Variants in STXBP3 observed in about 807,000 individuals in gnomAD.
The protein encoded by STXBP3 is syntaxin binding protein 3.
STXBP3 carries 41 observed loss-of-function variants against 85.7 expected under a neutral mutation model. The ratio of observed to expected loss-of-function variants is 0.48; its 90% confidence interval spans 0.37 to 0.62. STXBP3 has a LOEUF of 0.62. STXBP3 is among the 20% of genes least tolerant of loss of function. The pLI is 0.00. For synonymous variants in STXBP3, 229 were observed against 231.7 expected, an observed-to-expected ratio of 0.99 and a Z score of 0.10; for missense variants, 563 against 703.1, an observed-to-expected ratio of 0.80 and a Z score of 2.25.
chr1:108,762,800 C>T (rs1293822665), intron 6 of STXBP3, among the ~76,000 whole-genome samples: 1 of 152,154 alleles, frequency 6.6e-6, no homozygotes, highest in Non-Finnish European at 1.5e-5. Flanking sequence ...TTATATCTAT[C>T]CTGTAGGACA....
intron 4 of STXBP3, among the ~76,000 whole-genome samples, chr1:108,757,594 T>C (rs1273145840): frequency 6.6e-6 from 1 of 151,944 alleles, no homozygotes; most frequent in Non-Finnish European, 1.5e-5. Context: ...AATATATATA[T>C]ATGGGTATGT....
intron 13 of STXBP3, among the ~76,000 whole-genome samples, 193 bp downstream of exon 13, chr1:108,795,100 T>C (rs1410886404): frequency 2.0e-5 from 3 of 152,182 alleles, no homozygotes; most frequent in Non-Finnish European, 4.4e-5. Context: ...GTAGAGTATC[T>C]TAGTAAACAG....
intron 5 of STXBP3, chr1:108,759,125 A>G (rs570818564): frequency 1.3e-5 from 2 of 152,196 alleles, no homozygotes; most frequent in Admixed American, 6.6e-5. Flanking sequence ...GACACATACA[A>G]TTCTGTCTTA....
chr1:108,792,533 C>G (rs1476260733), intron 11 of STXBP3, among the ~76,000 whole-genome samples: 1 of 152,170 alleles, frequency 6.6e-6, no homozygotes, highest in Non-Finnish European at 1.5e-5. Flanking sequence ...ATCTTTTCCT[C>G]TAGCTATTTT....
At chr1:108,782,961 T>G (rs1662746733) in intron 11 of STXBP3, among the ~76,000 whole-genome samples, 1 of 152,174 alleles carries the variant, frequency 6.6e-6, no homozygotes, top group Non-Finnish European at 1.5e-5. Flanking sequence ...GGAGTGCAGT[T>G]GCGCCATCTC....
At chr1:108,763,749 ATT>A (rs11358536) in intron 6 of STXBP3, among the ~76,000 whole-genome samples, 428 of 147,940 alleles carry the variant, frequency 2.9e-3, no homozygotes, top group Non-Finnish European at 4.6e-3. Flanking sequence ...CTAATTTTGT[ATT>A]TTTTTTTTTT....
chr1:108,753,189 G>A, intron 3 of STXBP3, 45 bp downstream of exon 3: 2 of 1,338,688 alleles, frequency 1.5e-6, no homozygotes, highest in Middle Eastern at 1.9e-4. Context: ...TGTAATTGGG[G>A]GAGATCTGAG....
intron 6 of STXBP3, among the ~76,000 whole-genome samples, chr1:108,760,543 C>CA (rs1276963006): frequency 6.6e-6 from 1 of 152,076 alleles, no homozygotes; most frequent in East Asian, 1.9e-4. Flanking sequence ...TTAATAATAG[C>CA]AATGATTATA....
intron 8 of STXBP3, among the ~76,000 whole-genome samples, chr1:108,777,352 G>T (rs1289596011): frequency 6.6e-6 from 1 of 152,054 alleles, no homozygotes; most frequent in Non-Finnish European, 1.5e-5. Flanking sequence ...GATAAAGAGG[G>T]AGTTCATTGC....
At chr1:108,769,363 A>G (rs777466215) in intron 6 of STXBP3, among the ~76,000 whole-genome samples, 1 of 152,172 alleles carries the variant, frequency 6.6e-6, no homozygotes, top group Non-Finnish European at 1.5e-5. Flanking sequence ...AAAAATCTGC[A>G]TATAAGTGGA....
intron 7 of STXBP3, among the ~76,000 whole-genome samples, chr1:108,775,383 C>T (rs920205494): frequency 3.9e-5 from 6 of 151,994 alleles, no homozygotes; most frequent in African/African-American, 1.2e-4. Context: ...TCAGGGTAAA[C>T]GGGATATCTA....
intron 6 of STXBP3, among the ~76,000 whole-genome samples, chr1:108,765,892 C>T (rs1252152876): frequency 8.3e-6 from 1 of 120,352 alleles, no homozygotes; most frequent in Non-Finnish European, 1.6e-5. Context: ...CTCACTCTGT[C>T]ACCAGGCTGG....
At chr1:108,793,220 A>ATTTCCT (rs1220295884) in intron 11 of STXBP3, among the ~76,000 whole-genome samples, 2 of 101,278 alleles carry the variant, frequency 2.0e-5, no homozygotes, top group Non-Finnish European at 3.7e-5. Flanking sequence ...CTTGAACTGT[A>ATTTCCT]TTTCCTTTCA....
intron 16 of STXBP3, among the ~76,000 whole-genome samples, chr1:108,798,722 T>C (rs1217269455): frequency 6.6e-6 from 1 of 152,106 alleles, no homozygotes; most frequent in African/African-American, 2.4e-5. Context: ...CTGAAGATTC[T>C]TTTCTTAAAG....
intron 1 of STXBP3, among the ~76,000 whole-genome samples, chr1:108,747,105 C>T (rs924781828): frequency 8.9e-5 from 2 of 22,452 alleles, no homozygotes; most frequent in Non-Finnish European, 1.7e-4. Flanking sequence ...CCGTGCGTGC[C>T]CTCGGCCGCG....
intron 6 of STXBP3, among the ~76,000 whole-genome samples, chr1:108,769,977 A>T (rs987663028): frequency 1.1e-4 from 16 of 152,276 alleles, no homozygotes; most frequent in Admixed American, 9.2e-4. Context: ...TCTGCTGGGA[A>T]GTGGCACGTG....
intron 17 of STXBP3, among the ~76,000 whole-genome samples, chr1:108,803,460 G>C (rs1003516822): frequency 2.6e-5 from 4 of 152,104 alleles, no homozygotes; most frequent in African/African-American, 9.7e-5. Flanking sequence ...TGTATCCTTT[G>C]ATGCGGGTCT....
chr1:108,776,809 G>A (rs1662603827), intron 8 of STXBP3, among the ~76,000 whole-genome samples: 1 of 152,136 alleles, frequency 6.6e-6, no homozygotes, highest in South Asian at 2.1e-4. Context: ...AAAGTCCTTA[G>A]AATAATGCTT....
chr1:108,768,924 TATA>T lies in STXBP3; in HGVS notation c.439-3736_439-3734del, dbSNP rs1662323206. ...TTAAGGTAAGTGATGCTGTCACATA[TATA>T]ATAAGGCAAGTAGAGTTGATCCTTG... On this transcript the variant is annotated intron_variant, in intron 6 of 18. Transcript: ENST00000370008. 2.0e-5 allele frequency among the ~76,000 whole-genome samples: 3 copies of T among 152,096 alleles called. No homozygotes were observed. The South Asian group carries it at 6.2e-4, about 32-fold the overall frequency.
Sources: gnomAD v4.1 joint callset for allele counts (sites outside exome capture counted in the v4.1 genomes callset) on GRCh38, gnomAD v4.1.1 for gene constraint, MANE v1.5 for transcripts, NCBI Gene and HGNC (gene_info 2026-07-23, HGNC 2026-07-21) for gene names.